Variants in GLYATL1B observed in about 807,000 individuals in gnomAD.
GLYATL1B encodes the protein putative glycine N-acyltransferase-like protein 1B.
Under a neutral mutation model 5.5 loss-of-function variants are expected in GLYATL1B, and 6 were observed. The observed-to-expected ratio is 1.09, with a 90% CI of 0.60 to 2.15. The LOEUF is 2.15. Ranked by LOEUF, GLYATL1B falls within the 30% of genes most tolerant of loss-of-function variation. The pLI, the probability that GLYATL1B is intolerant of heterozygous loss-of-function variation, is 0.00. For synonymous variants in GLYATL1B, 67 were observed against 34.9 expected (o/e 1.92, Z -3.24); for missense variants, 135 against 94.1 (o/e 1.43, Z -1.80).
chr11:59,091,603 G>A (rs1859311741), intron 2 of GLYATL1B, among the ~76,000 whole-genome samples: 2 of 152,130 alleles, frequency 1.3e-5, no homozygotes, highest in Admixed American at 6.5e-5. Context: ...TTGATTTTCT[G>A]TTACAGCATT....
At chr11:59,088,248 A>G (rs1859232494) in intron 2 of GLYATL1B, among the ~76,000 whole-genome samples, 1 of 152,248 alleles carries the variant, frequency 6.6e-6, no homozygotes, top group Admixed American at 6.5e-5. Context: ...AATAGTATTT[A>G]CCATAATTAG....
At chr11:59,092,239 CTCTT>C (rs1182810889) in intron 2 of GLYATL1B, among the ~76,000 whole-genome samples, 1 of 150,904 alleles carries the variant, frequency 6.6e-6, no homozygotes, top group Non-Finnish European at 1.5e-5. Context: ...CTCTCTTCTG[CTCTT>C]TCTTTTTGCC....
At chr11:59,092,619 A>ACT (rs1859339809) in intron 2 of GLYATL1B, among the ~76,000 whole-genome samples, 1 of 152,178 alleles carries the variant, frequency 6.6e-6, no homozygotes, top group Admixed American at 6.5e-5. Context: ...CACTGCTAAA[A>ACT]CTCACACTTA....
intron 1 of GLYATL1B, 86 bp downstream of exon 1, chr11:59,086,470 A>T (rs1366495831): frequency 5.0e-6 from 2 of 396,198 alleles, no homozygotes; most frequent in Non-Finnish European, 8.9e-6. Context: ...GTCCTTCCTG[A>T]CTTTGTGCAG....
intron 2 of GLYATL1B, among the ~76,000 whole-genome samples, chr11:59,092,449 C>T (rs1341424509): frequency 6.6e-6 from 1 of 152,148 alleles, no homozygotes; most frequent in Non-Finnish European, 1.5e-5. Context: ...TTTAAAACAT[C>T]TACTCTTTTA....
chr11:59,086,601 G>C (rs1859198896), intron 1 of GLYATL1B, among the ~76,000 whole-genome samples: 1 of 152,152 alleles, frequency 6.6e-6, no homozygotes, highest in African/African-American at 2.4e-5. Flanking sequence ...CATTTGGAGA[G>C]GTGGTGAAGA....
chr11:59,089,392 G>A (rs1483927379), intron 2 of GLYATL1B, among the ~76,000 whole-genome samples: 1 of 152,148 alleles, frequency 6.6e-6, no homozygotes, highest in Non-Finnish European at 1.5e-5. Context: ...GTCCAAGTCA[G>A]AGCTTATCTT....
At chr11:59,092,664 C>T (rs1410801190) in intron 2 of GLYATL1B, among the ~76,000 whole-genome samples, 1 of 152,192 alleles carries the variant, frequency 6.6e-6, no homozygotes, top group Non-Finnish European at 1.5e-5. Flanking sequence ...AGATACTCAT[C>T]GTCCCATGAA....
At chr11:59,093,404 A>T (rs865899294) in intron 2 of GLYATL1B, 125 bp from the exon 3 acceptor site, 1 of 394,334 alleles carries the variant, frequency 2.5e-6, no homozygotes, top group African/African-American at 2.1e-5. Context: ...CACGTGCCCA[A>T]CTGCAGCCAT....
chr11:59,093,030 C>T (rs751084532), intron 2 of GLYATL1B, among the ~76,000 whole-genome samples: 15 of 152,188 alleles, frequency 9.9e-5, no homozygotes, highest in Non-Finnish European at 1.6e-4. Context: ...CCTATCAACA[C>T]GGACTCAGTA....
intron 3 of GLYATL1B, 114 bp from the exon 4 acceptor site, chr11:59,093,820 T>G: frequency 2.1e-6 from 1 of 470,056 alleles, no homozygotes; most frequent in Non-Finnish European, 3.8e-6. Flanking sequence ...TATAGCTGAT[T>G]GTGGTGTAAA....
At chr11:59,093,203 T>C (rs1260037584) in intron 2 of GLYATL1B, among the ~76,000 whole-genome samples, 2 of 152,214 alleles carry the variant, frequency 1.3e-5, no homozygotes, top group Non-Finnish European at 2.9e-5. Context: ...AAGGTAAGTG[T>C]GCAGTTGAGT....
Position 59,091,442 on chromosome 11 carries a change from C to A in GLYATL1B, c.187-2087C>A, listed in dbSNP as rs538638662. ...GTCTTGGAGTATGGACAGATCCCAT[C>A]ACCCTGGTAGTGAGCATAGTACCCG... On this transcript the variant is annotated intron_variant, in intron 2 of 4. Coordinates refer to ENST00000527482, the MANE Select transcript of GLYATL1B (RefSeq NM_001355566.1). Among the ~76,000 whole-genome samples the A allele has an allele frequency of 9.2e-5, 14 of 152,280 alleles. No homozygotes were observed. In the South Asian group the frequency reaches 2.9e-3, roughly 32 times the overall value.
At position 59,094,666 on chromosome 11, in the gene GLYATL1B, C is replaced by T. The variant is rs183998797; in HGVS notation, c.789C>T (p.Tyr263=). The T allele has an allele frequency of 4.9e-5, 21 of 431,614 alleles. No homozygotes were observed. Among genetic ancestry groups the T allele is most frequent in the East Asian group, 4.3e-4 (13 of 29,900 alleles). 26.7% of individuals were successfully genotyped at this position (431,614 alleles called of 1,614,324 possible). A position where few individuals can be genotyped will look rare whatever the true frequency, so the allele number is the denominator to read the frequency against. Residue 263 remains tyrosine (Y), a synonymous_variant, in exon 5 of 5, where the codon TAC becomes TAT. Transcript: ENST00000527482. ...TGTGTCAGAAGAATATTCCATTTTA[C>T]GGCTCTGTGCTGGAAGAAAATCAAG... ...KYLCQKNIPF[Y]GSVLEENQGV...
chr11:59,089,099 C>T (rs1021406940), intron 2 of GLYATL1B, among the ~76,000 whole-genome samples: 2 of 152,142 alleles, frequency 1.3e-5, no homozygotes, highest in African/African-American at 4.8e-5. Flanking sequence ...AACACACAAA[C>T]GGATATTCAG....
Position 59,094,651 on chromosome 11 carries a change from G to C in GLYATL1B, c.774G>C (p.Lys258Asn), listed in dbSNP as rs1171085959. Residue 258 changes from lysine to asparagine, a missense_variant, in exon 5 of 5, where the codon AAG (lysine) becomes AAC (asparagine). By Grantham distance (94) the Lys-to-Asn change is moderately conservative. Coordinates refer to ENST00000527482, the MANE Select transcript of GLYATL1B (RefSeq NM_001355566.1). ...IMRCMKYLCQ[K>N]NIPFYGSVLE... ...GATGCATGAAGTATCTGTGTCAGAA[G>C]AATATTCCATTTTACGGCTCTGTGC... The C allele has an allele frequency of 2.3e-6, 1 of 431,440 alleles. No homozygotes were observed. The highest frequency in any genetic ancestry group is 4.2e-6 in the Non-Finnish European group (1 of 238,710). The allele number at this position is 431,440 out of a possible 1,614,324, so 26.7% of individuals were successfully genotyped here. A position where few individuals can be genotyped will look rare whatever the true frequency, so the allele number is the denominator to read the frequency against.
chr11:59,086,967 A>G (rs2849749), intron 1 of GLYATL1B, 97 bp from the exon 2 acceptor site: 104 of 463,952 alleles, frequency 2.2e-4, no homozygotes, highest in South Asian at 3.1e-4. Flanking sequence ...TGGTCCCAGT[A>G]CTGTCTCTTG....
rs1007149066 is a variant in GLYATL1B at position 59,094,694 on chromosome 11, G to A, written c.817G>A (p.Val273Ile). 2 of 444,474 alleles carry A rather than the reference G, an allele frequency of 4.5e-6. No homozygotes were observed. The highest frequency in any genetic ancestry group is 2.0e-5 in the African/African-American group (1 of 50,010). The allele number at this position is 444,474 out of a possible 1,614,324, so 27.5% of individuals were successfully genotyped here. Residue 273 changes from valine to isoleucine, a missense_variant, in exon 5 of 5, where the codon GTC becomes ATC. Coordinates refer to ENST00000527482, the MANE Select transcript of GLYATL1B (RefSeq NM_001355566.1). Reference protein sequence around the residue: ...YGSVLEENQGVIRKTSALGFL... With the variant: ...YGSVLEENQGIIRKTSALGFL... The stretch of plus-strand genomic sequence containing the variant: ...CTCTGTGCTGGAAGAAAATCAAGGC[G>A]TCATCAGAAAGACTAGTGCACTAGG...
intron 2 of GLYATL1B, among the ~76,000 whole-genome samples, chr11:59,087,931 T>C (rs996886335): frequency 3.3e-5 from 5 of 152,320 alleles, no homozygotes; most frequent in Admixed American, 3.3e-4. Context: ...ACCTCACTCG[T>C]TAGTGACTGT....
Sources: allele counts gnomAD v4.1 joint callset (sites outside exome capture counted in the v4.1 genomes callset), GRCh38; gene constraint gnomAD v4.1.1; transcripts MANE v1.5; gene names NCBI Gene and HGNC (gene_info 2026-07-23, HGNC 2026-07-21).